The following MAML3 variants were observed in gnomAD, a reference collection of about 807,000 sequenced individuals.
MAML3 encodes mastermind like transcriptional coactivator 3.
Under a neutral mutation model 101.9 loss-of-function variants are expected in MAML3, and 27 were observed. That is an observed-to-expected ratio of 0.27 (90% confidence interval 0.20 to 0.37). The LOEUF is 0.37. MAML3 is among the 10% of genes least tolerant of loss of function. The probability of loss-of-function intolerance (pLI) is 1.00; values close to 1 mark genes in which losing one functional copy is unlikely to be tolerated. For missense variants in MAML3, 1,316 were observed against 1,444.9 expected (o/e 0.91, Z 1.45); for synonymous variants, 501 against 555.9 (o/e 0.90, Z 1.39).
intron 1 of MAML3, among the ~76,000 whole-genome samples, chr4:139,999,892 A>G (rs953253144): frequency 1.3e-5 from 2 of 152,214 alleles, no homozygotes; most frequent in Admixed American, 6.5e-5. Context: ...CCCACGATTC[A>G]CAGATGTGGA....
At chr4:140,093,373 C>T (rs1728094378) in intron 1 of MAML3, among the ~76,000 whole-genome samples, 1 of 151,310 alleles carries the variant, frequency 6.6e-6, no homozygotes, top group Admixed American at 6.6e-5. Context: ...TTTCTGGTTG[C>T]TCAGTGGATC....
intron 2 of MAML3, among the ~76,000 whole-genome samples, chr4:139,885,650 G>A (rs1449096629): frequency 6.6e-6 from 1 of 151,336 alleles, no homozygotes; most frequent in African/African-American, 2.4e-5. Flanking sequence ...TAGGCCGGGC[G>A]CCGTGGCTCA....
intron 1 of MAML3, among the ~76,000 whole-genome samples, chr4:139,966,601 A>G (rs1315079469): frequency 6.6e-6 from 1 of 152,220 alleles, no homozygotes; most frequent in African/African-American, 2.4e-5. Flanking sequence ...GCCTTTTACT[A>G]TCTTACGTGT....
intron 2 of MAML3, among the ~76,000 whole-genome samples, chr4:139,848,196 T>C (rs1731482054): frequency 6.6e-6 from 1 of 152,244 alleles, no homozygotes; most frequent in Admixed American, 6.5e-5. Flanking sequence ...CCACTGCTGC[T>C]GCTGCACCTA....
At position 140,040,679 on chromosome 4, in the gene MAML3, T is replaced by A. The variant is rs1461138380; in HGVS notation, c.468+112181A>T. Reference sequence around the variant, plus strand: ...TTTGTGGAAAATGCAAATGTTAAATTACACACAGAGTAATTGCCATATTTA... The same window carrying A: ...TTTGTGGAAAATGCAAATGTTAAATAACACACAGAGTAATTGCCATATTTA... On this transcript the variant is annotated intron_variant, in intron 1 of 4. Coordinates refer to ENST00000509479, the MANE Select transcript of MAML3 (RefSeq NM_018717.5). 1.4e-4 allele frequency among the ~76,000 whole-genome samples: 21 copies of A among 152,178 alleles called. 1 individual carries two copies. The highest frequency in any genetic ancestry group is 1.4e-3 in the Admixed American group (21 of 15,272).
At position 140,098,552 on chromosome 4, in the gene MAML3, G is replaced by T. The variant is rs146280473; in HGVS notation, c.468+54308C>A. On this transcript the variant is annotated intron_variant, in intron 1 of 4. Transcript: ENST00000509479. ...CTTATCCTTCCCGTATCATCACCAG[G>T]ACTTCTCAGGGGCTCTGAAAGCCTG... is the stretch of plus-strand genomic sequence containing the variant. Among the ~76,000 whole-genome samples, 544 of 152,300 alleles carry T rather than the reference G, an allele frequency of 3.6e-3. 4 individuals are homozygous for T. The highest frequency in any genetic ancestry group is 0.012 in the African/African-American group (511 of 41,564).
chr4:140,121,964 C>T (rs1728612849), intron 1 of MAML3, among the ~76,000 whole-genome samples: 1 of 152,046 alleles, frequency 6.6e-6, no homozygotes, highest in Non-Finnish European at 1.5e-5. Context: ...AAGGTGCTTT[C>T]CCCCAACTTC....
chr4:139,904,051 TC>T (rs1732773777), intron 1 of MAML3, among the ~76,000 whole-genome samples: 1 of 152,158 alleles, frequency 6.6e-6, no homozygotes, highest in Non-Finnish European at 1.5e-5. Context: ...CTTCATCACT[TC>T]CCTAAAGGCC....
intron 1 of MAML3, among the ~76,000 whole-genome samples, chr4:139,915,954 A>G (rs1321384524): frequency 1.3e-5 from 2 of 152,208 alleles, no homozygotes; most frequent in Admixed American, 1.3e-4. Context: ...GTTATCAGCA[A>G]ACAGCAAGCT....
At chr4:140,139,538 C>A (rs183982473) in intron 1 of MAML3, among the ~76,000 whole-genome samples, 1 of 152,082 alleles carries the variant, frequency 6.6e-6, no homozygotes. Context: ...ACAACAACAA[C>A]AAAATCCATA....
intron 1 of MAML3, among the ~76,000 whole-genome samples, chr4:139,891,464 G>A (rs1044474711): frequency 6.6e-6 from 1 of 152,112 alleles, no homozygotes; most frequent in African/African-American, 2.4e-5. Context: ...TTTTTGTAGA[G>A]ATGGGGTTTC....
At chr4:140,012,313 T>C (rs1391937075) in intron 1 of MAML3, among the ~76,000 whole-genome samples, 1 of 152,206 alleles carries the variant, frequency 6.6e-6, no homozygotes, top group Non-Finnish European at 1.5e-5. Flanking sequence ...AGGACATAAA[T>C]TATGAGTGTT....
intron 1 of MAML3, among the ~76,000 whole-genome samples, chr4:140,064,393 C>T (rs184060983): frequency 6.6e-6 from 1 of 152,124 alleles, no homozygotes; most frequent in Non-Finnish European, 1.5e-5. Flanking sequence ...AAGCCTTTTG[C>T]GTTTTGATAA....
At chr4:139,824,825 C>G (rs1476429329) in intron 2 of MAML3, among the ~76,000 whole-genome samples, 1 of 152,088 alleles carries the variant, frequency 6.6e-6, no homozygotes, top group Non-Finnish European at 1.5e-5. Context: ...TCCTTGGAGA[C>G]GCATCTGTCT....
chr4:140,021,905 G>T (rs537763117), intron 1 of MAML3, among the ~76,000 whole-genome samples: 1 of 152,274 alleles, frequency 6.6e-6, no homozygotes, highest in East Asian at 1.9e-4. Flanking sequence ...ACTTTTCTAC[G>T]TGTCAGGTGC....
At chr4:139,750,665 A>C (rs1363794253) in intron 2 of MAML3, among the ~76,000 whole-genome samples, 1 of 152,148 alleles carries the variant, frequency 6.6e-6, no homozygotes, top group African/African-American at 2.4e-5. Context: ...TAAAAATATA[A>C]ATTTAAAGAG....
At chr4:140,074,773 C>A (rs919856101) in intron 1 of MAML3, among the ~76,000 whole-genome samples, 2 of 152,164 alleles carry the variant, frequency 1.3e-5, no homozygotes, top group Non-Finnish European at 2.9e-5. Context: ...GCCAAACAAC[C>A]ACAGATGGCC....
intron 1 of MAML3, among the ~76,000 whole-genome samples, chr4:140,004,640 G>A (rs1326366015): frequency 1.3e-5 from 2 of 152,106 alleles, no homozygotes; most frequent in Admixed American, 6.5e-5. Flanking sequence ...GATACCCACC[G>A]CAGACAAAGA....
intron 2 of MAML3, among the ~76,000 whole-genome samples, chr4:139,803,410 A>G (rs1288749132): frequency 6.6e-6 from 1 of 152,240 alleles, no homozygotes; most frequent in Non-Finnish European, 1.5e-5. Flanking sequence ...CAACAAAACA[A>G]AAACAGAACC....
Sources: gnomAD v4.1 joint callset for allele counts (sites outside exome capture counted in the v4.1 genomes callset) on GRCh38, gnomAD v4.1.1 for gene constraint, MANE v1.5 for transcripts, NCBI Gene and HGNC (gene_info 2026-07-23, HGNC 2026-07-21) for gene names.